COP1: variants seen among roughly 807,000 people sequenced by gnomAD.
COP1 encodes COP1 E3 ubiquitin ligase, also known as E3 ubiquitin-protein ligase COP1.
In COP1, 24 loss-of-function variants were observed where a neutral mutation model predicts 101.3. That is an observed-to-expected ratio of 0.24 (90% CI 0.17 to 0.33). The LOEUF is 0.33. COP1 is among the 10% of genes least tolerant of loss of function. The probability of loss-of-function intolerance (pLI) is 1.00; values close to 1 mark genes in which losing one functional copy is unlikely to be tolerated. For synonymous variants in COP1, 347 were observed against 341.9 expected (o/e 1.01, Z -0.17); for missense variants, 663 against 906.2 (o/e 0.73, Z 3.45).
At chr1:176,122,831 A>C (rs1370454083) in intron 8 of COP1, among the ~76,000 whole-genome samples, 1 of 152,216 alleles carries the variant, frequency 6.6e-6, no homozygotes, top group Admixed American at 6.5e-5. Context: ...CTGCTAGCAG[A>C]TATAAAAAGC....
intron 15 of COP1, among the ~76,000 whole-genome samples, chr1:175,999,213 A>AT (rs967568902): frequency 7.2e-5 from 11 of 152,014 alleles, no homozygotes; most frequent in African/African-American, 2.2e-4. Flanking sequence ...CATTCTGTGT[A>AT]TTTTTTGTAG....
chr1:176,118,571 C>T (rs1020879668), intron 8 of COP1, among the ~76,000 whole-genome samples: 6 of 151,940 alleles, frequency 3.9e-5, no homozygotes, highest in East Asian at 1.9e-4. Context: ...AAGACCAGCC[C>T]GGACAAAATA....
At chr1:176,086,746 C>T (rs184649081) in intron 9 of COP1, among the ~76,000 whole-genome samples, 89 of 152,222 alleles carry the variant, frequency 5.8e-4, no homozygotes, top group South Asian at 2.9e-3. Context: ...CTTCACAGAA[C>T]TGGCAAAACT....
In COP1 at chr1:176,205,450, C is replaced by T. The variant is rs1432380562; in HGVS notation, c.407+1122G>A. Among the ~76,000 whole-genome samples the T allele has an allele frequency of 2.0e-5, 3 of 152,180 alleles. 1 individual carries two copies. The highest frequency in any genetic ancestry group is 2.0e-4 in the Admixed American group (3 of 15,280). ...TTCCTAACAGTTCCAACTTCTAGCTCTATCTTATTTAATAACACCAACTCA... is the reference window on the plus strand; with the variant it reads ...TTCCTAACAGTTCCAACTTCTAGCTTTATCTTATTTAATAACACCAACTCA... On this transcript the variant is annotated intron_variant, in intron 1 of 19. Transcript: ENST00000367669.
chr1:176,197,285 C>A (rs1231026971), intron 1 of COP1, among the ~76,000 whole-genome samples: 1 of 152,110 alleles, frequency 6.6e-6, no homozygotes, highest in Admixed American at 6.5e-5. Flanking sequence ...TGTGGTGACA[C>A]ATGCCTGTAG....
intron 8 of COP1, among the ~76,000 whole-genome samples, chr1:176,131,405 C>T (rs1688868629): frequency 6.6e-6 from 1 of 151,652 alleles, no homozygotes; most frequent in Admixed American, 6.6e-5. Context: ...GGAGAGAATA[C>T]CATTATCTGG....
chr1:176,027,859 G>A (rs780215943), intron 14 of COP1, among the ~76,000 whole-genome samples, 171 bp from the exon 15 acceptor site: 3 of 150,640 alleles, frequency 2.0e-5, no homozygotes, highest in African/African-American at 4.9e-5. Context: ...GTCTGTTCTC[G>A]CACTGCTAAT....
chr1:175,952,994 T>C (rs1188929437), intron 18 of COP1, among the ~76,000 whole-genome samples: 1 of 152,064 alleles, frequency 6.6e-6, no homozygotes, highest in East Asian at 1.9e-4. Context: ...ATTTCTTGTT[T>C]TTAAGTTTTT....
intron 5 of COP1, among the ~76,000 whole-genome samples, chr1:176,151,356 AGAAAGAAAGAAAGAAAGAAAG>A (rs1430082481): frequency 1.3e-4 from 4 of 31,326 alleles, no homozygotes; most frequent in African/African-American, 3.6e-4. Flanking sequence ...AGAAAGAAAA[AGAAAGAAAGAAAGAAAGAAAG>A]AAAGAAAGAA....
chr1:176,083,198 A>T (rs1679506170), intron 10 of COP1, among the ~76,000 whole-genome samples: 1 of 152,218 alleles, frequency 6.6e-6, no homozygotes, highest in South Asian at 2.1e-4. Flanking sequence ...AACATTCTAC[A>T]TACTGGAAAG....
intron 18 of COP1, among the ~76,000 whole-genome samples, chr1:175,975,542 T>G (rs1030590152): frequency 6.6e-6 from 1 of 152,138 alleles, no homozygotes; most frequent in Admixed American, 6.6e-5. Flanking sequence ...TCTCAGTAGC[T>G]GGGATTATAA....
intron 14 of COP1, among the ~76,000 whole-genome samples, chr1:176,041,021 T>A (rs1670427880): frequency 6.6e-6 from 1 of 152,072 alleles, no homozygotes; most frequent in Non-Finnish European, 1.5e-5. Context: ...AAGATGGATA[T>A]ACAAGAAACA....
At chr1:176,028,592 T>G (rs1250970483) in intron 14 of COP1, among the ~76,000 whole-genome samples, 4 of 146,544 alleles carry the variant, frequency 2.7e-5, no homozygotes, top group Admixed American at 1.4e-4. Context: ...AAAATCAATA[T>G]AGATAAACGA....
intron 15 of COP1, among the ~76,000 whole-genome samples, chr1:175,992,829 A>C (rs1658957700): frequency 6.6e-6 from 1 of 152,182 alleles, no homozygotes; most frequent in Non-Finnish European, 1.5e-5. Context: ...GCACAGACAA[A>C]AAGACAGCAG....
chr1:176,192,320 T>C (rs546283915), intron 1 of COP1, among the ~76,000 whole-genome samples: 4 of 152,232 alleles, frequency 2.6e-5, no homozygotes, highest in African/African-American at 9.6e-5. Flanking sequence ...ATAAGTTAGG[T>C]ACAGGTGAAA....
intron 18 of COP1, among the ~76,000 whole-genome samples, chr1:175,952,565 G>A (rs1402761451): frequency 6.6e-6 from 1 of 152,072 alleles, no homozygotes; most frequent in Non-Finnish European, 1.5e-5. Flanking sequence ...AATTGTTAAA[G>A]GAAGTTCTTC....
chr1:176,186,047 T>C (rs1322600363), intron 1 of COP1, among the ~76,000 whole-genome samples: 2 of 151,750 alleles, frequency 1.3e-5, no homozygotes, highest in Non-Finnish European at 2.9e-5. Context: ...TAATGATAAA[T>C]ACATAATAAT....
Position 176,123,720 on chromosome 1 carries a change from C to A in COP1, c.969-7039G>T, listed in dbSNP as rs561916701. On this transcript the variant is annotated intron_variant, in intron 8 of 19. Coordinates refer to ENST00000367669, the MANE Select transcript of COP1 (RefSeq NM_022457.7). The stretch of plus-strand genomic sequence containing the variant: ...AGAGTAGAGTAAAAGAATTAAAAAT[C>A]TTTACCCCCACCCTGCACAAAACAT... 2.4e-3 allele frequency among the ~76,000 whole-genome samples: 368 copies of A among 152,210 alleles called. 2 individuals carry two copies. Among genetic ancestry groups the A allele is most frequent in the African/African-American group, 8.4e-3 (347 of 41,544 alleles).
chr1:176,066,022 G>A (rs1323594081), intron 11 of COP1, among the ~76,000 whole-genome samples: 1 of 151,994 alleles, frequency 6.6e-6, no homozygotes, highest in African/African-American at 2.4e-5. Context: ...CACCGCACCT[G>A]GCCGGGGGAT....
Sources: gnomAD v4.1 joint callset for allele counts (sites outside exome capture counted in the v4.1 genomes callset) on GRCh38, gnomAD v4.1.1 for gene constraint, MANE v1.5 for transcripts, NCBI Gene and HGNC (gene_info 2026-07-23, HGNC 2026-07-21) for gene names.